The following FAT1 variants were observed in gnomAD, a reference collection of about 807,000 sequenced individuals.
The protein encoded by FAT1 is protocadherin Fat 1.
A neutral mutation model predicts 329.8 loss-of-function variants in FAT1; 171 were observed. That is an observed-to-expected ratio of 0.52 (90% CI 0.46 to 0.59). The LOEUF (loss-of-function observed/expected upper bound fraction) is 0.59. FAT1 is among the 20% of genes least tolerant of loss of function. FAT1 has a pLI of 0.00. For missense variants in FAT1, 5,672 were observed against 5,774.4 expected (o/e 0.98, Z 0.57); for synonymous variants, 2,233 against 2,228.6 (o/e 1.00, Z -0.06).
At chr4:186,594,025 G>A (rs1331507233) in intron 26 of FAT1, among the ~76,000 whole-genome samples, 1 of 152,048 alleles carries the variant, frequency 6.6e-6, no homozygotes, top group Non-Finnish European at 1.5e-5. Context: ...CTGGAAGCTA[G>A]TTTTCATAAC....
At chr4:186,725,323 A>G (rs557475107), upstream of FAT1, among the ~76,000 whole-genome samples, 565 of 152,238 alleles carry the variant, frequency 3.7e-3, 4 homozygotes, top group Non-Finnish European at 6.0e-3. The surrounding 1 kb of genome is among the most constrained non-coding windows in gnomAD (Gnocchi z 5.4). Context: ...GGAGCGAGGA[A>G]GCGGGAGTAA....
In FAT1 at chr4:186,708,973, G is replaced by A. The variant is rs1292175902; in HGVS notation, c.855C>T (p.Ala285=). ...IVTVDDCDQG[A]NGDIASLSIV... is the part of the protein sequence containing the mutation. ...TGCTTAAAGATGCTATGTCACCATT[G>A]GCACCCTGATCGCAGTCATCCACTG... is the stretch of plus-strand genomic sequence containing the variant. Residue 285 remains alanine, a synonymous_variant, in exon 2 of 27, where the codon GCC becomes GCT. Transcript: ENST00000441802. 1.9e-6 allele frequency: 3 copies of A among 1,613,836 alleles called. No individual in the cohort carries two copies. The highest frequency in any genetic ancestry group is 2.5e-6 in the Non-Finnish European group (3 of 1,179,892).
At chr4:186,643,065 T>C (rs1467498775) in intron 3 of FAT1, among the ~76,000 whole-genome samples, 1 of 152,156 alleles carries the variant, frequency 6.6e-6, no homozygotes, top group Non-Finnish European at 1.5e-5. Context: ...ACAAATACAG[T>C]CACCACTAGC....
intron 3 of FAT1, among the ~76,000 whole-genome samples, chr4:186,655,412 C>T (rs925567529): frequency 1.3e-5 from 2 of 149,222 alleles, no homozygotes; most frequent in East Asian, 2.0e-4. Context: ...AATAATGTGG[C>T]AAGTTCATCA....
In FAT1 at chr4:186,589,104, C is replaced by T. The variant is rs201847759; in HGVS notation, c.13255G>A (p.Ala4419Thr). Residue 4419 changes from alanine to threonine, a missense_variant, in exon 27 of 27, where the codon GCC becomes ACC. Around this residue, in one of 2 missense-constraint regions of FAT1, gnomAD observed 1,706 missense variants for 1,859.1 expected, o/e 0.92. Transcript: ENST00000441802. Reference sequence around the variant, plus strand: ...CCAGGGTAATAGTCCGTATCGATGGCGTTTGGATCTGCTGAGTACAGGGGT... The same window carrying T: ...CCAGGGTAATAGTCCGTATCGATGGTGTTTGGATCTGCTGAGTACAGGGGT... ...QTPLYSADPN[A>T]IDTDYYPGGY... 1.5e-4 allele frequency: 241 copies of T among 1,613,854 alleles called. No homozygotes were observed. Among genetic ancestry groups the T allele is most frequent in the Middle Eastern group, 3.3e-4 (2 of 6,062 alleles).
chr4:186,614,184 T>C lies in FAT1; in HGVS notation c.9229+7A>G, dbSNP rs2126478531. Reference sequence around the variant, plus strand: ...ACAATTTATTTTGTCCCAAACTCCATCATTACCTGTGTCTGGATTTAGTTT... The same window carrying C: ...ACAATTTATTTTGTCCCAAACTCCACCATTACCTGTGTCTGGATTTAGTTT... On this transcript the variant is annotated splice_region_variant and intron_variant, in intron 12 of 26. Transcript: ENST00000441802. 3 of 1,591,334 alleles carry C rather than the reference T, an allele frequency of 1.9e-6. No homozygotes were observed. The highest frequency in any genetic ancestry group is 2.6e-6 in the Non-Finnish European group (3 of 1,172,978).
chr4:186,593,806 G>C (rs1314672535), intron 26 of FAT1, among the ~76,000 whole-genome samples: 1 of 152,116 alleles, frequency 6.6e-6, no homozygotes, highest in Non-Finnish European at 1.5e-5. Flanking sequence ...CAGGGGTTGG[G>C]CTTCTAAGCT....
At chr4:186,685,022 G>A (rs1044133893) in intron 2 of FAT1, among the ~76,000 whole-genome samples, 4 of 152,160 alleles carry the variant, frequency 2.6e-5, no homozygotes, top group Non-Finnish European at 1.5e-5. Flanking sequence ...AATCCCTTGG[G>A]CAAGAAAGGT....
In FAT1 at chr4:186,704,943, C is replaced by CTTTT. The variant is rs575252840; in HGVS notation, c.3265+1616_3265+1619dup. 1.3e-4 allele frequency among the ~76,000 whole-genome samples: 16 copies of CTTTT among 120,626 alleles called. 1 individual carries two copies. The highest frequency in any genetic ancestry group is 2.4e-4 in the East Asian group (1 of 4,206). 79.1% of individuals were successfully genotyped at this position (120,626 alleles called of 152,430 possible). A position where few individuals can be genotyped will look rare whatever the true frequency, so the allele number is the denominator to read the frequency against. ...AAATATATTACAACTTCCAAAATAA[C>CTTTT]TTTTTTTTTTTTTTTTTTTTTGAGA... is the stretch of plus-strand genomic sequence containing the variant. On this transcript the variant is annotated intron_variant, in intron 2 of 26. Transcript: ENST00000441802.
At position 186,618,519 on chromosome 4, in the gene FAT1, G is replaced by A. The variant is rs749684398; in HGVS notation, c.8067C>T (p.Val2689=). 1.2e-6 allele frequency: 2 copies of A among 1,614,008 alleles called. No individual in the cohort carries two copies. The highest frequency in any genetic ancestry group is 3.3e-5 in the Admixed American group (2 of 60,032). Residue 2689 remains valine, a synonymous_variant, in exon 10 of 27, where the codon GTC becomes GTT. Coordinates refer to ENST00000441802, the MANE Select transcript of FAT1 (RefSeq NM_005245.4). Reference sequence around the variant, plus strand: ...TTTCCGGTGGAAGGATTTTAACATAGACAAGAACAACAGATTCTTTTGATG... The same window carrying A: ...TTTCCGGTGGAAGGATTTTAACATAAACAAGAACAACAGATTCTTTTGATG... ...GSPSKESVVL[V]YVKILPPEMQ...
At chr4:186,594,194 T>C (rs1441466886) in intron 26 of FAT1, among the ~76,000 whole-genome samples, 2 of 151,940 alleles carry the variant, frequency 1.3e-5, no homozygotes, top group East Asian at 3.9e-4. Context: ...GCCTCCCCAG[T>C]AGCTGGGAGT....
intron 1 of FAT1, among the ~76,000 whole-genome samples, chr4:186,714,541 T>TACC (rs1242416394): frequency 1.3e-5 from 2 of 151,692 alleles, no homozygotes; most frequent in African/African-American, 4.8e-5. Context: ...TGAAAGACGG[T>TACC]ATTTAAAACC....
intron 3 of FAT1, among the ~76,000 whole-genome samples, chr4:186,645,569 G>T (rs922730799): frequency 2.6e-5 from 4 of 151,014 alleles, no homozygotes; most frequent in Non-Finnish European, 4.4e-5. Flanking sequence ...ATTGAAGTTG[G>T]GGGTTCAATA....
intron 2 of FAT1, among the ~76,000 whole-genome samples, chr4:186,692,924 A>G (rs567927042): frequency 6.6e-6 from 1 of 152,334 alleles, no homozygotes; most frequent in East Asian, 1.9e-4. Context: ...CTTTCACTTT[A>G]GAAACACGAT....
At chr4:186,592,982 CAT>C (rs1738316958) in intron 26 of FAT1, among the ~76,000 whole-genome samples, 1 of 152,118 alleles carries the variant, frequency 6.6e-6, no homozygotes, top group African/African-American at 2.4e-5. Context: ...ATAACGTAAA[CAT>C]ATTTTATTGG....
chr4:186,598,012 C>T lies in FAT1; in HGVS notation c.12217G>A (p.Gly4073Ser), dbSNP rs762709565. ...AATCCTCTACACTGGCAAACAAAGC[C>T]TCCGTTGTCGACAACACACGTGCCC... is the stretch of plus-strand genomic sequence containing the variant. Reference protein sequence around the residue: ...YGGTCVVDNGGFVCQCRGLYT... With the variant: ...YGGTCVVDNGSFVCQCRGLYT... The change falls in exon 23 of 27, where the codon GGC becomes AGC. Residue 4073 changes from glycine (G) to serine (S), a missense_variant. Transcript: ENST00000441802. 5.0e-6 allele frequency: 8 copies of T among 1,613,260 alleles called. No homozygotes were observed. The highest frequency in any genetic ancestry group is 6.8e-6 in the Non-Finnish European group (8 of 1,179,774).
rs562701660 is a variant in FAT1, at chr4:186,608,366, G to A, written c.10206+817C>T. 4.6e-5 allele frequency among the ~76,000 whole-genome samples: 7 copies of A among 152,042 alleles called. 1 individual carries two copies. In the South Asian group the frequency reaches 1.5e-3, roughly 32 times the overall value. ...CAATGTAAATGGTTGTTATACTGCGGGTCGGGGTTGTATTTTTTTTGTTGT... is the reference window on the plus strand; with the variant it reads ...CAATGTAAATGGTTGTTATACTGCGAGTCGGGGTTGTATTTTTTTTGTTGT... On this transcript the variant is annotated intron_variant, in intron 16 of 26. Transcript: ENST00000441802.
intron 1 of FAT1, among the ~76,000 whole-genome samples, chr4:186,718,050 G>A (rs1437257112): frequency 1.3e-5 from 2 of 152,192 alleles, no homozygotes; most frequent in African/African-American, 4.8e-5. Context: ...AAGTTGGTAA[G>A]TAAGACTTTA....
At chr4:186,621,896 G>A in intron 9 of FAT1, 121 bp from the exon 10 acceptor site, 1 of 630,508 alleles carries the variant, frequency 1.6e-6, no homozygotes, top group Non-Finnish European at 2.6e-6. Context: ...CAGAAACTCA[G>A]GGGATGTCAA....
Sources: allele counts gnomAD v4.1 joint callset (sites outside exome capture counted in the v4.1 genomes callset), GRCh38; gene constraint gnomAD v4.1.1; regional missense constraint gnomAD v4.1.1; non-coding constraint Gnocchi (gnomAD v3.1); transcripts MANE v1.5; gene names NCBI Gene and HGNC (gene_info 2026-07-23, HGNC 2026-07-21).